The following MYO18A variants were observed in gnomAD, a reference collection of about 807,000 sequenced individuals.
MYO18A encodes myosin XVIIIA.
Under a neutral mutation model 235.8 loss-of-function variants are expected in MYO18A, and 78 were observed. The observed-to-expected ratio is 0.33, with a 90% CI of 0.28 to 0.40. The LOEUF is 0.40. MYO18A is among the 10% of genes least tolerant of loss of function. The pLI is 1.00. For synonymous variants in MYO18A, 977 were observed against 1,077.8 expected (o/e 0.91, Z 1.83); for missense variants, 2,215 against 2,699.3 (o/e 0.82, Z 3.98).
chr17:29,163,478 TG>T (rs1341196184), intron 2 of MYO18A, among the ~76,000 whole-genome samples: 21 of 152,314 alleles, frequency 1.4e-4, no homozygotes, highest in Non-Finnish European at 2.8e-4. Context: ...CTGTGTCCTC[TG>T]GCAGATGAAA....
intron 10 of MYO18A, among the ~76,000 whole-genome samples, chr17:29,116,871 C>G (rs1360177566): frequency 6.6e-6 from 1 of 151,822 alleles, no homozygotes; most frequent in Non-Finnish European, 1.5e-5. Flanking sequence ...GGCTTGTCAC[C>G]GCCTCAGAGT....
chr17:29,122,650 G>A (rs2067228881), intron 2 of MYO18A, among the ~76,000 whole-genome samples: 1 of 152,236 alleles, frequency 6.6e-6, no homozygotes, highest in Admixed American at 6.5e-5. Context: ...CAAGGCCCTA[G>A]ACCCTAGCCA....
chr17:29,124,802 T>C, intron 2 of MYO18A: 2 of 885,442 alleles, frequency 2.3e-6, no homozygotes, highest in Non-Finnish European at 3.0e-6. Flanking sequence ...TCTCTAGTTG[T>C]CCAAGGCTCG....
Position 29,115,050 on chromosome 17 carries a change from T to G in MYO18A, c.2368A>C (p.Thr790Pro). 1 of 1,613,802 alleles carries G rather than the reference T, an allele frequency of 6.2e-7. No individual in the cohort carries two copies. The highest frequency in any genetic ancestry group is 8.5e-7 in the Non-Finnish European group (1 of 1,179,848). The change falls in exon 14 of 42, where the codon ACC (threonine) becomes CCC (proline). Residue 790 changes from threonine to proline, a missense_variant. Physicochemically the swap from Thr to Pro is conservative, Grantham distance 38. Transcript: ENST00000527372. ...HSLCSMMIVD[T>P]PGFQNPEQGG... ...TGCTCAGGGTTCTGGAAGCCCGGGG[T>G]GTCGACAATCATCATGGAGCAGAGT...
At position 29,093,389 on chromosome 17, in the gene MYO18A, C is replaced by T; in HGVS notation, c.4860G>A (p.Glu1620=). The part of the protein sequence containing the change: ...QMEVQLEEEY[E]DKQKVLREKR... ...TCTCTCGCAGAACCTTCTGCTTGTC[C>T]TCATACTCTTCCTCTAGCTGCACCT... Residue 1620 remains glutamate, a synonymous_variant, in exon 32 of 42, where the codon GAG becomes GAA. Transcript: ENST00000527372. 1 of 1,612,300 alleles carries T rather than the reference C, an allele frequency of 6.2e-7. No individual in the cohort carries two copies. The highest frequency in any genetic ancestry group is 8.5e-7 in the Non-Finnish European group (1 of 1,179,820).
rs986377642 is a variant in MYO18A, at chr17:29,097,170, C to T, written c.4230+53G>A. 44 of 1,595,562 alleles carry T rather than the reference C, an allele frequency of 2.8e-5. No homozygotes were observed. In the African/African-American group the frequency reaches 5.0e-4, roughly 18 times the overall value. The stretch of plus-strand genomic sequence containing the variant: ...AGTTCACTGGACCGACACAAGGCAC[C>T]AGTCCTCTCCTGGCCCTCCCAGGCA... On this transcript the variant is annotated intron_variant, in intron 27 of 41. Transcript: ENST00000527372.
chr17:29,079,869 G>T (rs1444835344), intron 41 of MYO18A: 4 of 985,978 alleles, frequency 4.1e-6, no homozygotes, highest in Non-Finnish European at 4.8e-6. Context: ...TCTTCACACT[G>T]GAGCAGCTGT....
chr17:29,082,159 C>T (rs2066137576), intron 41 of MYO18A, among the ~76,000 whole-genome samples, 157 bp downstream of exon 41: 2 of 152,234 alleles, frequency 1.3e-5, no homozygotes. Context: ...TAAGAAGAAA[C>T]TTCCTGTGCC....
chr17:29,097,760 T>G (rs1309196161), intron 26 of MYO18A, 28 bp downstream of exon 26: 2 of 1,590,336 alleles, frequency 1.3e-6, no homozygotes, highest in Admixed American at 1.7e-5. Flanking sequence ...TGCGGGCCAC[T>G]GCCGAGCTCC....
In MYO18A at chr17:29,106,969, G is replaced by A. The variant is rs1598312097; in HGVS notation, c.3441+111C>T. 4.7e-6 allele frequency: 5 copies of A among 1,073,846 alleles called. No homozygotes were observed. The East Asian group carries it at 1.2e-4, about 27-fold the overall frequency. 66.5% of individuals were successfully genotyped at this position (1,073,846 alleles called of 1,614,324 possible). A position where few individuals can be genotyped will look rare whatever the true frequency, so the allele number is the denominator to read the frequency against. The stretch of plus-strand genomic sequence containing the variant: ...TGGGTGCTTCCAAAACTGGGAGCCT[G>A]AGCAGGGCCAGATGAGCTGTCTCCA... On this transcript the variant is annotated intron_variant, in intron 20 of 41. Coordinates refer to ENST00000527372, the MANE Select transcript of MYO18A (RefSeq NM_078471.4). This position sits in a 1 kb window ranked among gnomAD's most constrained non-coding sequence, Gnocchi z 4.6.
At chr17:29,156,074 G>GT (rs2068060549) in intron 2 of MYO18A, among the ~76,000 whole-genome samples, 2 of 152,186 alleles carry the variant, frequency 1.3e-5, no homozygotes, top group South Asian at 4.1e-4. Flanking sequence ...TCCCTGGTAG[G>GT]GACATGTGGG....
intron 40 of MYO18A, among the ~76,000 whole-genome samples, chr17:29,084,595 G>A (rs937325979): frequency 6.6e-6 from 1 of 152,138 alleles, no homozygotes; most frequent in African/African-American, 2.4e-5. Context: ...GCCGAATCAC[G>A]GGGGAACAAA....
intron 28 of MYO18A, 45 bp from the exon 29 acceptor site, chr17:29,095,104 G>GTCCCC (rs1212612715): frequency 6.7e-7 from 1 of 1,489,268 alleles, no homozygotes; most frequent in African/African-American, 1.4e-5. Context: ...AAGAGCCAGG[G>GTCCCC]TCCCCCACAC....
intron 2 of MYO18A, among the ~76,000 whole-genome samples, chr17:29,130,316 A>G (rs902375981): frequency 6.6e-6 from 1 of 151,290 alleles, no homozygotes; most frequent in Admixed American, 6.6e-5. Context: ...AAAAAAAAAA[A>G]AAAAAAAGAA....
chr17:29,171,422 A>G (rs546981936), intron 1 of MYO18A, among the ~76,000 whole-genome samples: 67 of 152,228 alleles, frequency 4.4e-4, no homozygotes, highest in African/African-American at 1.5e-3. Flanking sequence ...CCTGGGAGAC[A>G]GAGCAAGACC....
Position 29,118,391 on chromosome 17 carries a change from C to G in MYO18A, c.1879G>C (p.Val627Leu). The G allele has an allele frequency of 6.2e-7, 1 of 1,605,340 alleles. No homozygotes were observed. Among genetic ancestry groups the G allele is most frequent in the Non-Finnish European group, 8.5e-7 (1 of 1,173,360 alleles). Residue 627 changes from valine (V) to leucine (L), a missense_variant, in exon 9 of 42, where the codon GTG becomes CTG. Coordinates refer to ENST00000527372, the MANE Select transcript of MYO18A (RefSeq NM_078471.4). The surrounding 1 kb of genome is among the most constrained non-coding windows in gnomAD (Gnocchi z 4.2). The stretch of plus-strand genomic sequence containing the variant: ...AGACCCCTCACCTTGGCCAGTGGCA[C>G]AATCCCAAACACATTGTTCTCTGCC... ...HLAENNVFGI[V>L]PLAKPEEKQK...
chr17:29,088,272 T>C (rs892216972), intron 37 of MYO18A, among the ~76,000 whole-genome samples: 1 of 151,682 alleles, frequency 6.6e-6, no homozygotes, highest in African/African-American at 2.4e-5. Context: ...GCCAGGATGG[T>C]CTCGATCTCC....
chr17:29,132,841 G>A (rs2067503418), intron 2 of MYO18A, among the ~76,000 whole-genome samples: 1 of 152,200 alleles, frequency 6.6e-6, no homozygotes, highest in Admixed American at 6.5e-5. Context: ...GGAAGGGAGG[G>A]ACTGGTGGAC....
At chr17:29,108,975 G>A (rs1378438133) in intron 19 of MYO18A, among the ~76,000 whole-genome samples, 2 of 152,002 alleles carry the variant, frequency 1.3e-5, no homozygotes, top group Non-Finnish European at 1.5e-5. Flanking sequence ...GGGACAGATC[G>A]ATGATTTATT....
Sources: allele counts gnomAD v4.1 joint callset (sites outside exome capture counted in the v4.1 genomes callset), GRCh38; gene constraint gnomAD v4.1.1; non-coding constraint Gnocchi (gnomAD v3.1); transcripts MANE v1.5; gene names NCBI Gene and HGNC (gene_info 2026-07-23, HGNC 2026-07-21).